The following MARF1 variants were observed in gnomAD, a reference collection of about 807,000 sequenced individuals.
The protein encoded by MARF1 is meiosis regulator and mRNA stability factor 1.
A neutral mutation model predicts 168.2 loss-of-function variants in MARF1; 24 were observed. That is an observed-to-expected ratio of 0.14 (90% confidence interval 0.10 to 0.20). The LOEUF (loss-of-function observed/expected upper bound fraction) is 0.20, where lower values mean the gene tolerates loss of function less well. Among genes scored for constraint, MARF1 ranks in the 10% least tolerant of loss-of-function variants. MARF1 has a pLI of 1.00. For missense variants in MARF1, 1,744 were observed against 2,143.6 expected, an observed-to-expected ratio of 0.81 and a Z score of 3.68; for synonymous variants, 868 against 822.4, an observed-to-expected ratio of 1.06 and a Z score of -0.95.
rs1341223673 is a variant in MARF1 at position 15,633,596 on chromosome 16, TATTAA to T, written c.1233+16_1233+20del. On this transcript the variant is annotated intron_variant, in intron 5 of 26. Coordinates refer to ENST00000396368, the MANE Select transcript of MARF1 (RefSeq NM_014647.4). ...TTATTCCTCTACTGTAGATTAAAAT[TATTAA>T]ATTTTTTTTTTTTACCTGGCAATTA... 2 of 1,444,198 alleles carry T rather than the reference TATTAA, an allele frequency of 1.4e-6. No homozygotes were observed. Among genetic ancestry groups the T allele is most frequent in the African/African-American group, 4.8e-5 (2 of 41,264 alleles). 89.5% of individuals were successfully genotyped at this position (1,444,198 alleles called of 1,614,324 possible).
rs71376076 is a variant in MARF1 at position 15,618,431 on chromosome 16, T to C, written c.2721-896A>G. ...CATCCAGCTGCTCAGGAGCTGCTTC[T>C]GCTGTGTTACCCCCGAGTCTCTCAG... On this transcript the variant is annotated intron_variant, in intron 13 of 26. Transcript: ENST00000396368. Among the ~76,000 whole-genome samples, 1,022 of 152,326 alleles carry C rather than the reference T, an allele frequency of 6.7e-3. 11 individuals carry two copies. Among genetic ancestry groups the C allele is most frequent in the South Asian group, 0.024 (116 of 4,828 alleles).
chr16:15,617,329 C>T lies in MARF1; in HGVS notation c.2927G>A (p.Cys976Tyr), dbSNP rs1438647495. The T allele has an allele frequency of 6.2e-7, 1 of 1,613,964 alleles. No homozygotes were observed. The highest frequency in any genetic ancestry group is 8.5e-7 in the Non-Finnish European group (1 of 1,179,940). Residue 976 changes from cysteine to tyrosine, a missense_variant, in exon 14 of 27, where the codon TGC becomes TAC. This residue lies in a region of MARF1 where 543 missense variants were observed against 742.1 expected (regional missense o/e 0.73). Coordinates refer to ENST00000396368, the MANE Select transcript of MARF1 (RefSeq NM_014647.4). ...ATCCTTATTGGAACAATGCTGTCTGCAGACAGGCTCGTGATATTCTAACTC... is the reference window on the plus strand; with the variant it reads ...ATCCTTATTGGAACAATGCTGTCTGTAGACAGGCTCGTGATATTCTAACTC... ...FEELEYHEPV[C>Y]RQHCSNKDFS...
intron 19 of MARF1, 107 bp from the exon 20 acceptor site, chr16:15,609,832 C>T (rs948491113): frequency 2.3e-5 from 21 of 917,000 alleles, no homozygotes; most frequent in Non-Finnish European, 3.3e-5. Context: ...CGATATCATC[C>T]TTGCCTTCCA....
chr16:15,600,295 T>C, intron 25 of MARF1, 133 bp downstream of exon 25: 1 of 1,214,498 alleles, frequency 8.2e-7, no homozygotes, highest in Non-Finnish European at 1.2e-6. Context: ...AAAACTGCTT[T>C]GAAAAATGTG....
Position 15,636,345 on chromosome 16 carries a change from G to T in MARF1, c.145-3C>A. 1 of 1,526,590 alleles carries T rather than the reference G, an allele frequency of 6.6e-7. No individual in the cohort carries two copies. Among genetic ancestry groups the T allele is most frequent in the South Asian group, 1.3e-5 (1 of 77,194 alleles). 94.6% of individuals were successfully genotyped at this position (1,526,590 alleles called of 1,614,324 possible). On this transcript the variant is annotated splice_polypyrimidine_tract_variant and splice_region_variant and intron_variant, in intron 2 of 26. Coordinates refer to ENST00000396368, the MANE Select transcript of MARF1 (RefSeq NM_014647.4). ...TTCTTGTTCTCCATGTACTCTTTCT[G>T]AGAAAAGAAAATCAGAACATAAATT...
intron 2 of MARF1, among the ~76,000 whole-genome samples, chr16:15,636,747 G>A (rs542915254): frequency 6.6e-6 from 1 of 152,196 alleles, no homozygotes; most frequent in Non-Finnish European, 1.5e-5. Flanking sequence ...AACACACACA[G>A]TGGTTTGAGG....
chr16:15,609,858 A>G, intron 19 of MARF1, 133 bp from the exon 20 acceptor site: 1 of 719,050 alleles, frequency 1.4e-6, no homozygotes, highest in Non-Finnish European at 2.3e-6. Context: ...ACACAACCTA[A>G]AACAAACACA....
intron 25 of MARF1, among the ~76,000 whole-genome samples, chr16:15,599,609 A>G (rs1480785026): frequency 6.6e-6 from 1 of 152,256 alleles, no homozygotes; most frequent in African/African-American, 2.4e-5. Flanking sequence ...ATCTCGCCGC[A>G]TGTTATGAAG....
intron 12 of MARF1, 116 bp from the exon 13 acceptor site, chr16:15,620,647 G>A: frequency 1.6e-6 from 1 of 641,858 alleles, no homozygotes; most frequent in Non-Finnish European, 2.6e-6. Context: ...CGGATTTCTG[G>A]TATGTCAGAA....
rs1344228597 is a variant in MARF1, at chr16:15,594,648, T to G, written c.*2045A>C. On this transcript the variant is annotated 3_prime_UTR_variant, in exon 27 of 27. Transcript: ENST00000396368. ...ATTACATTGTCTTAATGCTCAAACA[T>G]CATTTTACCACATCATTTAATTAAG... 1 of 152,628 alleles carries G rather than the reference T, an allele frequency of 6.6e-6. No homozygotes were observed. The highest frequency in any genetic ancestry group is 2.4e-5 in the African/African-American group (1 of 41,444). The allele number at this position is 152,628 out of a possible 1,614,324, so 9.5% of individuals were successfully genotyped here.
Position 15,620,450 on chromosome 16 carries a change from C to CT in MARF1, c.2720dup (p.Phe908ValfsTer12). On this transcript the variant is annotated frameshift_variant and splice_region_variant. Transcript: ENST00000396368. LOFTEE classifies it high-confidence loss of function. ...ATAAAGAAAAAATATACCTAACTTA[C>CT]TTTTTTTCATAGATATCTGTAAATT... 6.2e-7 allele frequency: 1 copy of CT among 1,600,690 alleles called. No homozygotes were observed. Among genetic ancestry groups the CT allele is most frequent in the Non-Finnish European group, 8.6e-7 (1 of 1,168,900 alleles).
At chr16:15,621,370 T>C (rs994519019) in intron 12 of MARF1, 14 of 221,932 alleles carry the variant, frequency 6.3e-5, no homozygotes, top group Non-Finnish European at 1.2e-4. Context: ...CTTGAAGATT[T>C]GTAGATCTAG....
Position 15,621,887 on chromosome 16 carries a change from G to A in MARF1, c.2485C>T (p.His829Tyr), listed in dbSNP as rs769818885. Residue 829 changes from histidine (H) to tyrosine (Y), a missense_variant, in exon 12 of 27, where the codon CAT becomes TAT. Coordinates refer to ENST00000396368, the MANE Select transcript of MARF1 (RefSeq NM_014647.4). The stretch of plus-strand genomic sequence containing the variant: ...ACAGCCTTGAGTTGATAATCTGTAT[G>A]GGGGCTGAGCTCAACACTCTTCACC... Reference protein sequence around the residue: ...GKVKSVELSPHTDYQLKAVVQ... With the variant: ...GKVKSVELSPYTDYQLKAVVQ... 9 of 1,614,092 alleles carry A rather than the reference G, an allele frequency of 5.6e-6. No individual in the cohort carries two copies. In the South Asian group the frequency reaches 8.8e-5, roughly 16 times the overall value.
chr16:15,635,872 A>G lies in MARF1; in HGVS notation c.615T>C (p.Asn205=), dbSNP rs756943634. 1.9e-5 allele frequency: 30 copies of G among 1,614,102 alleles called. No homozygotes were observed. The highest frequency in any genetic ancestry group is 3.3e-5 in the Admixed American group (2 of 60,008). The change falls in exon 3 of 27, where the codon AAT becomes AAC. Residue 205 remains asparagine, a synonymous_variant. Transcript: ENST00000396368. ...GKLHFQSCHG[N]VHKLHQFPSL... Reference sequence around the variant, plus strand: ...TCGGAAACTGATGCAGCTTGTGCACATTACCATGACATGACTGGAAGTGGA... The same window carrying G: ...TCGGAAACTGATGCAGCTTGTGCACGTTACCATGACATGACTGGAAGTGGA...
intron 7 of MARF1, among the ~76,000 whole-genome samples, chr16:15,629,910 C>G (rs370136011): frequency 6.6e-6 from 1 of 152,172 alleles, no homozygotes; most frequent in Non-Finnish European, 1.5e-5. Flanking sequence ...GGATTAAATA[C>G]CGAAAAAAAT....
chr16:15,624,898 G>A lies in MARF1; in HGVS notation c.2141C>T (p.Thr714Ile). The A allele has an allele frequency of 4.3e-6, 7 of 1,614,146 alleles. No individual in the cohort carries two copies. The highest frequency in any genetic ancestry group is 4.2e-6 in the Non-Finnish European group (5 of 1,180,022). ...ATCTTTTTTCTCTACAGGAGAACTG[G>A]TAACACTTCGGGCACTGAGGTTCTC... Reference protein sequence around the residue: ...KKENLSARSVTSSPVEKKDKE... With the variant: ...KKENLSARSVISSPVEKKDKE... The change falls in exon 10 of 27, where the codon ACC becomes ATC. Residue 714 changes from threonine to isoleucine, a missense_variant. By Grantham distance (89) the Thr-to-Ile change is moderately conservative (BLOSUM62 -1). Transcript: ENST00000396368.
rs190552904 is a variant in MARF1 at position 15,598,399 on chromosome 16, C to G, written c.4984+455G>C. Among the ~76,000 whole-genome samples the G allele has an allele frequency of 7.2e-5, 11 of 152,304 alleles. No individual in the cohort carries two copies. The East Asian group carries it at 2.1e-3, about 29-fold the overall frequency. ...GGACTCAGTGTGCTCAGCTTCCTGT[C>G]TGTTATATCACTGGGCAGAGTCCGG... On this transcript the variant is annotated intron_variant, in intron 26 of 26. Coordinates refer to ENST00000396368, the MANE Select transcript of MARF1 (RefSeq NM_014647.4).
chr16:15,625,804 A>G lies in MARF1; in HGVS notation c.1525-4T>C. The G allele has an allele frequency of 6.2e-7, 1 of 1,606,738 alleles. No homozygotes were observed. Among genetic ancestry groups the G allele is most frequent in the South Asian group, 1.1e-5 (1 of 90,936 alleles). ...CATAGAGCAGAGTGTGGCACTGCTA[A>G]TACAGAGGAAAGAAGTGTTACGTCA... On this transcript the variant is annotated splice_polypyrimidine_tract_variant and splice_region_variant and intron_variant, in intron 7 of 26. Coordinates refer to ENST00000396368, the MANE Select transcript of MARF1 (RefSeq NM_014647.4).
intron 22 of MARF1, among the ~76,000 whole-genome samples, chr16:15,603,739 T>G (rs1462910356): frequency 6.8e-6 from 1 of 147,708 alleles, no homozygotes; most frequent in East Asian, 1.9e-4. Context: ...TCTCTCAATC[T>G]TGGAGCGCCA....
Sources: gnomAD v4.1 joint callset for allele counts (sites outside exome capture counted in the v4.1 genomes callset) on GRCh38, gnomAD v4.1.1 for gene constraint, gnomAD v4.1.1 regional missense constraint, MANE v1.5 for transcripts, NCBI Gene and HGNC (gene_info 2026-07-23, HGNC 2026-07-21) for gene names.